Variants in SMARCA2 observed in about 807,000 individuals in gnomAD.
SMARCA2 encodes the protein SWI/SNF related BAF chromatin remodeling complex subunit ATPase 2.
In SMARCA2, 61 loss-of-function variants were observed where a neutral mutation model predicts 199.8. That is an observed-to-expected ratio of 0.31 (90% CI 0.25 to 0.38). The LOEUF is 0.38. SMARCA2 is among the 10% of genes least tolerant of loss of function. SMARCA2 has a pLI of 1.00. For synonymous variants in SMARCA2, 935 were observed against 732.0 expected (o/e 1.28, Z -4.48); for missense variants, 1,344 against 2,012.2 (o/e 0.67, Z 6.35).
chr9:2,185,676 G>GCTGCTA, intron 31 of SMARCA2, among the ~76,000 whole-genome samples: 1 of 152,314 alleles, frequency 6.6e-6, no homozygotes, highest in Middle Eastern at 3.4e-3. Flanking sequence ...ATAAGTGTTG[G>GCTGCTA]CTGCTACTGA....
intron 19 of SMARCA2, among the ~76,000 whole-genome samples, chr9:2,092,609 G>T (rs928371179): frequency 6.6e-6 from 1 of 152,148 alleles, no homozygotes; most frequent in Non-Finnish European, 1.5e-5. Context: ...TTCTACAGGG[G>T]TATATAAGAA....
chr9:2,175,512 A>ATAGT (rs373043019), intron 29 of SMARCA2, among the ~76,000 whole-genome samples: 1 of 152,314 alleles, frequency 6.6e-6, no homozygotes, highest in African/African-American at 2.4e-5. Context: ...GCTTTATGTG[A>ATAGT]TAGTTAAAAA....
intron 31 of SMARCA2, among the ~76,000 whole-genome samples, chr9:2,184,300 G>A (rs752030152): frequency 9.3e-5 from 14 of 150,874 alleles, no homozygotes; most frequent in Non-Finnish European, 1.6e-4. Context: ...GAGAGATTCT[G>A]TGTACCTTTT....
chr9:2,071,013 A>C (rs544728907), intron 10 of SMARCA2, among the ~76,000 whole-genome samples: 1 of 152,256 alleles, frequency 6.6e-6, no homozygotes, highest in Non-Finnish European at 1.5e-5. Flanking sequence ...ATGAGGATAC[A>C]ATTAATTTAT....
chr9:2,124,069 A>C (rs894751022), intron 27 of SMARCA2, 132 bp downstream of exon 27: 42 of 724,172 alleles, frequency 5.8e-5, no homozygotes, highest in Middle Eastern at 3.7e-4. Flanking sequence ...TCTTGAACAC[A>C]GAAGATAAAG....
At chr9:2,059,087 T>C (rs1360591437) in intron 8 of SMARCA2, among the ~76,000 whole-genome samples, 1 of 152,252 alleles carries the variant, frequency 6.6e-6, no homozygotes, top group African/African-American at 2.4e-5. Flanking sequence ...GATAGGTTTA[T>C]ATCATTGGCC....
At chr9:2,071,702 C>G (rs922355846) in intron 10 of SMARCA2, among the ~76,000 whole-genome samples, 1 of 152,168 alleles carries the variant, frequency 6.6e-6, no homozygotes, top group African/African-American at 2.4e-5. Flanking sequence ...TGCCAAGGTT[C>G]TAATTCCATC....
At chr9:2,173,811 C>G (rs1190315996) in intron 29 of SMARCA2, among the ~76,000 whole-genome samples, 1 of 152,170 alleles carries the variant, frequency 6.6e-6, no homozygotes, top group Non-Finnish European at 1.5e-5. Flanking sequence ...GACCAAAGAA[C>G]CCCCTTTTCA....
intron 2 of SMARCA2, among the ~76,000 whole-genome samples, chr9:2,031,010 T>C (rs1226493019): frequency 6.6e-6 from 1 of 152,244 alleles, no homozygotes; most frequent in Non-Finnish European, 1.5e-5. Flanking sequence ...TAACAGCTTG[T>C]TGTACATGCT....
intron 27 of SMARCA2, among the ~76,000 whole-genome samples, chr9:2,148,356 A>G (rs1185577796): frequency 2.0e-5 from 3 of 151,672 alleles, no homozygotes; most frequent in South Asian, 2.1e-4. Flanking sequence ...AGGCAGAGTC[A>G]TAAGTAGTGG....
rs2130293419 is a variant in SMARCA2, at chr9:2,047,415, G to C, written c.977G>C (p.Ser326Thr). 6.3e-7 allele frequency: 1 copy of C among 1,590,900 alleles called. No homozygotes were observed. Among genetic ancestry groups the C allele is most frequent in the Non-Finnish European group, 8.5e-7 (1 of 1,169,696 alleles). ...SPVLQLQQKQ[S>T]RISPIQKPQG... ...GTCCTCCAGCTGCAGCAGAAGCAGA[G>C]CCGCATCAGCCCCATCCAGAAACCG... The change falls in exon 5 of 34, where the codon AGC becomes ACC. Residue 326 changes from serine (S) to threonine (T), a missense_variant. Coordinates refer to ENST00000349721, the MANE Select transcript of SMARCA2 (RefSeq NM_003070.5).
At chr9:2,155,976 C>T (rs1221368160) in intron 27 of SMARCA2, among the ~76,000 whole-genome samples, 2 of 151,954 alleles carry the variant, frequency 1.3e-5, no homozygotes, top group Non-Finnish European at 2.9e-5. Flanking sequence ...TATTGAACCA[C>T]AGTCGGAGGA....
At chr9:2,063,511 CAA>C (rs1471370050) in intron 9 of SMARCA2, among the ~76,000 whole-genome samples, 3 of 152,210 alleles carry the variant, frequency 2.0e-5, no homozygotes, top group African/African-American at 7.2e-5. Flanking sequence ...CTGTACCTAT[CAA>C]TATTTTTTAA....
intron 32 of SMARCA2, among the ~76,000 whole-genome samples, chr9:2,187,979 C>T (rs933653900): frequency 1.1e-4 from 16 of 151,944 alleles, no homozygotes; most frequent in South Asian, 4.1e-4. Context: ...AAAAAGGTAA[C>T]GTCTCAAAAT....
chr9:2,026,754 A>G (rs1318173883), intron 1 of SMARCA2, among the ~76,000 whole-genome samples: 4 of 152,268 alleles, frequency 2.6e-5, no homozygotes, highest in African/African-American at 9.6e-5. Flanking sequence ...ATATACATGA[A>G]AGAGCATTGT....
At chr9:2,106,421 C>A (rs1442878536) in intron 23 of SMARCA2, among the ~76,000 whole-genome samples, 1 of 152,168 alleles carries the variant, frequency 6.6e-6, no homozygotes, top group African/African-American at 2.4e-5. Context: ...GAGTCCTTAC[C>A]ATTAGGTGGA....
intron 27 of SMARCA2, among the ~76,000 whole-genome samples, chr9:2,134,387 G>A (rs548792366): frequency 1.4e-4 from 22 of 152,064 alleles, no homozygotes; most frequent in African/African-American, 5.1e-4. Flanking sequence ...AAACTCGCTC[G>A]GCCATTAACT....
In SMARCA2 at chr9:2,182,200, T is replaced by C; in HGVS notation, c.4419T>C (p.Leu1473=). 1 of 1,613,854 alleles carries C rather than the reference T, an allele frequency of 6.2e-7. No homozygotes were observed. Among genetic ancestry groups the C allele is most frequent in the Non-Finnish European group, 8.5e-7 (1 of 1,179,718 alleles). ...GCGACCTGGAGAAGGATGTCATGCT[T>C]CTCTGTCACAACGCTCAGACGTTCA... ...SLGDLEKDVM[L]LCHNAQTFNL... The change falls in exon 31 of 34, where the codon CTT becomes CTC. Residue 1473 remains leucine, a synonymous_variant. Transcript: ENST00000349721.
intron 9 of SMARCA2, among the ~76,000 whole-genome samples, chr9:2,068,722 G>GTT (rs879412375): frequency 1.4e-5 from 2 of 146,244 alleles, no homozygotes; most frequent in Admixed American, 6.8e-5. Context: ...AATGACTAAA[G>GTT]TTTTTTTTTT....
Sources: gnomAD v4.1 joint callset for allele counts (sites outside exome capture counted in the v4.1 genomes callset) on GRCh38, gnomAD v4.1.1 for gene constraint, MANE v1.5 for transcripts, NCBI Gene and HGNC (gene_info 2026-07-23, HGNC 2026-07-21) for gene names.